RARS2: variants seen among roughly 807,000 people sequenced by gnomAD.
The protein encoded by RARS2 is probable arginine--tRNA ligase, mitochondrial.
RARS2 carries 67 observed loss-of-function variants against 88.5 expected under a neutral mutation model. The ratio of observed to expected loss-of-function variants is 0.76; its 90% CI spans 0.62 to 0.93. RARS2 has a LOEUF of 0.93. RARS2 is among the 40% of genes least tolerant of loss of function. RARS2 has a pLI of 0.00. For synonymous variants in RARS2, 239 were observed against 230.3 expected (o/e 1.04, Z -0.34); for missense variants, 664 against 684.2 (o/e 0.97, Z 0.33).
intron 2 of RARS2, 102 bp from the exon 3 acceptor site, chr6:87,564,334 C>T: frequency 1.2e-6 from 1 of 860,570 alleles, no homozygotes; most frequent in East Asian, 2.6e-5. Flanking sequence ...CATACCTTTA[C>T]CAGAAGAAGG....
intron 5 of RARS2, among the ~76,000 whole-genome samples, chr6:87,552,043 AC>A (rs1328056674): frequency 3.9e-5 from 6 of 152,338 alleles, no homozygotes; most frequent in African/African-American, 1.4e-4. Flanking sequence ...CCTAAATCAG[AC>A]AAAATATATG....
At chr6:87,539,679 G>T (rs1253639935) in intron 8 of RARS2, among the ~76,000 whole-genome samples, 2 of 152,330 alleles carry the variant, frequency 1.3e-5, no homozygotes, top group South Asian at 2.1e-4. Context: ...CAGTAAGGTG[G>T]ATGTGTCAAG....
chr6:87,520,351 G>A (rs1357925968), intron 12 of RARS2, 95 bp from the exon 13 acceptor site: 6 of 1,018,254 alleles, frequency 5.9e-6, no homozygotes, highest in Non-Finnish European at 9.0e-6. Context: ...TTTGAGGTCT[G>A]ACAGACTAAA....
At chr6:87,556,858 C>T (rs1786107060) in intron 4 of RARS2, among the ~76,000 whole-genome samples, 1 of 150,738 alleles carries the variant, frequency 6.6e-6, no homozygotes, top group Non-Finnish European at 1.5e-5. Context: ...CACTCTGTCG[C>T]CCAGGCTGGT....
At chr6:87,559,070 A>G (rs989335270) in intron 4 of RARS2, among the ~76,000 whole-genome samples, 1 of 152,212 alleles carries the variant, frequency 6.6e-6, no homozygotes, top group Non-Finnish European at 1.5e-5. Flanking sequence ...AAAAGTCTAA[A>G]AAGTAAATTA....
At chr6:87,579,803 T>C (rs1023420859) in intron 1 of RARS2, among the ~76,000 whole-genome samples, 2 of 129,814 alleles carry the variant, frequency 1.5e-5, no homozygotes, top group Non-Finnish European at 3.1e-5. Flanking sequence ...CTCTGCCCAC[T>C]GCAAACTCCG....
chr6:87,522,969 T>C (rs912273691), intron 11 of RARS2, among the ~76,000 whole-genome samples: 2 of 152,214 alleles, frequency 1.3e-5, no homozygotes, highest in Non-Finnish European at 2.9e-5. Context: ...TATACAGAGA[T>C]ACAGAATATC....
chr6:87,531,081 T>C (rs1348962113), intron 8 of RARS2, 139 bp from the exon 9 acceptor site: 3 of 1,390,752 alleles, frequency 2.2e-6, no homozygotes, highest in African/African-American at 1.4e-5. Context: ...AGTGTAACTT[T>C]TTCTTTTTTG....
At chr6:87,535,714 T>C (rs1274064988) in intron 8 of RARS2, among the ~76,000 whole-genome samples, 2 of 150,508 alleles carry the variant, frequency 1.3e-5, no homozygotes, top group Non-Finnish European at 3.0e-5. Context: ...TCTCGCTCTG[T>C]TGCCCAGGCT....
At chr6:87,532,453 A>G (rs573366450) in intron 8 of RARS2, among the ~76,000 whole-genome samples, 1 of 152,336 alleles carries the variant, frequency 6.6e-6, no homozygotes, top group Admixed American at 6.5e-5. Context: ...TTCTAAGCAG[A>G]GGGTACCTAC....
intron 4 of RARS2, among the ~76,000 whole-genome samples, chr6:87,557,698 T>TC (rs1786421398): frequency 6.6e-6 from 1 of 152,318 alleles, no homozygotes; most frequent in African/African-American, 2.4e-5. Flanking sequence ...TGGTGACTAC[T>TC]CCCTTCTTGC....
intron 1 of RARS2, among the ~76,000 whole-genome samples, chr6:87,578,108 C>CG (rs900950947): frequency 1.5e-4 from 18 of 119,408 alleles, no homozygotes; most frequent in Admixed American, 6.3e-4. Flanking sequence ...CATAGCGAGA[C>CG]CCCCCCCCCC....
Position 87,520,179 on chromosome 6 carries a change from C to A in RARS2, c.1112+1G>T. ...ACAATTAAGAACCATGCAGACATTA[C>A]CTTTCTGCCCAGTCATATCCCATGA... On this transcript the variant is annotated splice_donor_variant, in intron 13 of 19. Coordinates refer to ENST00000369536, the MANE Select transcript of RARS2 (RefSeq NM_020320.5). LOFTEE classifies it high-confidence loss of function. The A allele has an allele frequency of 6.2e-7, 1 of 1,611,920 alleles. No individual in the cohort carries two copies. The highest frequency in any genetic ancestry group is 8.5e-7 in the Non-Finnish European group (1 of 1,178,178).
intron 1 of RARS2, among the ~76,000 whole-genome samples, chr6:87,583,465 T>A (rs1357001773): frequency 6.6e-6 from 1 of 151,966 alleles, no homozygotes; most frequent in Non-Finnish European, 1.5e-5. Context: ...GGCATATACC[T>A]GTAATCCCAG....
intron 7 of RARS2, among the ~76,000 whole-genome samples, chr6:87,542,778 C>T (rs184022528): frequency 3.1e-5 from 4 of 130,860 alleles, no homozygotes; most frequent in African/African-American, 8.9e-5. Flanking sequence ...TCATAACTTC[C>T]GTTAGAAAGG....
At position 87,553,548 on chromosome 6, in the gene RARS2, T is replaced by G. The variant is rs76294139; in HGVS notation, c.395+1860A>C. 1.7e-3 allele frequency among the ~76,000 whole-genome samples: 253 copies of G among 152,366 alleles called. 1 individual carries two copies. In the East Asian group the frequency reaches 0.033, roughly 20 times the overall value. ...CATTGCAATATGAAAGCAGCCAATG[T>G]AGATGATGTAAACAAATGTGCATGG... is the stretch of plus-strand genomic sequence containing the variant. On this transcript the variant is annotated intron_variant, in intron 5 of 19. Coordinates refer to ENST00000369536, the MANE Select transcript of RARS2 (RefSeq NM_020320.5).
chr6:87,519,562 A>G, intron 14 of RARS2, 21 bp downstream of exon 14: 2 of 1,605,752 alleles, frequency 1.2e-6, no homozygotes, highest in Non-Finnish European at 1.7e-6. Flanking sequence ...TATGACTTTA[A>G]TAAGAAAAAA....
At chr6:87,546,689 C>T (rs1782712258) in intron 6 of RARS2, among the ~76,000 whole-genome samples, 1 of 152,174 alleles carries the variant, frequency 6.6e-6, no homozygotes, top group African/African-American at 2.4e-5. Flanking sequence ...CTGCAGCCCT[C>T]CAACAACTTT....
At chr6:87,536,720 T>C (rs554656140) in intron 8 of RARS2, among the ~76,000 whole-genome samples, 7 of 152,188 alleles carry the variant, frequency 4.6e-5, no homozygotes, top group South Asian at 2.1e-4. Context: ...CTAAAGCTTA[T>C]TGCAAATGTT....
Sources: allele counts gnomAD v4.1 joint callset (sites outside exome capture counted in the v4.1 genomes callset), GRCh38; gene constraint gnomAD v4.1.1; transcripts MANE v1.5; gene names NCBI Gene and HGNC (gene_info 2026-07-23, HGNC 2026-07-21).